The following PCDH15 variants were observed in gnomAD, a reference collection of about 807,000 sequenced individuals.
The protein encoded by PCDH15 is protocadherin related 15, also known as protocadherin-15.
A neutral mutation model predicts 178.5 loss-of-function variants in PCDH15; 129 were observed. The ratio of observed to expected loss-of-function variants is 0.72; its 90% CI spans 0.63 to 0.84. The LOEUF (loss-of-function observed/expected upper bound fraction) is 0.84, where lower values mean the gene tolerates loss of function less well. PCDH15 is among the 40% of genes least tolerant of loss of function. The pLI is 0.00. For synonymous variants in PCDH15, 800 were observed against 732.0 expected (o/e 1.09, Z -1.50); for missense variants, 2,230 against 2,099.9 (o/e 1.06, Z -1.21).
intron 2 of PCDH15, among the ~76,000 whole-genome samples, chr10:55,079,840 C>A (rs903665098): frequency 1.3e-5 from 2 of 152,088 alleles, no homozygotes; most frequent in Non-Finnish European, 2.9e-5. Context: ...GGTGCAATAG[C>A]TGGAGTGATT....
At chr10:55,507,068 T>C (rs1840774568) in intron 2 of PCDH15, among the ~76,000 whole-genome samples, 1 of 151,518 alleles carries the variant, frequency 6.6e-6, no homozygotes, top group African/African-American at 2.4e-5. Context: ...ACAGCATCTA[T>C]AAATTTTAAA....
At chr10:54,896,151 C>T (rs896471800) in intron 3 of PCDH15, among the ~76,000 whole-genome samples, 2 of 152,122 alleles carry the variant, frequency 1.3e-5, no homozygotes, top group Admixed American at 1.3e-4. Context: ...TCCCAAAGTG[C>T]TGGGATTGCA....
chr10:54,983,854 C>T (rs1839300841), intron 2 of PCDH15, among the ~76,000 whole-genome samples: 1 of 152,086 alleles, frequency 6.6e-6, no homozygotes, highest in African/African-American at 2.4e-5. Context: ...GTCTCTTCCA[C>T]TCTGTACCTC....
intron 2 of PCDH15, among the ~76,000 whole-genome samples, chr10:55,405,440 C>A (rs1838177134): frequency 6.6e-6 from 1 of 151,076 alleles, no homozygotes; most frequent in South Asian, 2.1e-4. Context: ...ATCTTTTCAG[C>A]CTTTGCCTTT....
intron 3 of PCDH15, among the ~76,000 whole-genome samples, chr10:54,423,948 G>T (rs1955887198): frequency 6.6e-6 from 1 of 151,790 alleles, no homozygotes; most frequent in Admixed American, 6.6e-5. Flanking sequence ...CAGGACATAG[G>T]CATGGGCAAG....
chr10:54,375,382 G>A lies in PCDH15; in HGVS notation c.318+3400C>T, dbSNP rs886841447. Among the ~76,000 whole-genome samples, 8 of 152,080 alleles carry A rather than the reference G, an allele frequency of 5.3e-5. No individual in the cohort carries two copies. The East Asian group carries it at 1.6e-3, about 29-fold the overall frequency. ...AAATAGAGAATATGCACAGAGAAAG[G>A]CAGAAACTAGAGACCATATGGTCCA... is the stretch of plus-strand genomic sequence containing the variant. On this transcript the variant is annotated intron_variant, in intron 4 of 37. Coordinates refer to ENST00000644397, the MANE Select transcript of PCDH15 (RefSeq NM_001384140.1).
intron 8 of PCDH15, among the ~76,000 whole-genome samples, chr10:54,296,867 G>T (rs777225222): frequency 3.3e-5 from 5 of 152,050 alleles, no homozygotes; most frequent in East Asian, 1.9e-4. Flanking sequence ...TCATTTTTGG[G>T]GCATAACATC....
rs1191299791 is a variant in PCDH15, at chr10:54,796,270, C to CTATCTATG, written c.-29+4654_-29+4655insCATAGATA. Among the ~76,000 whole-genome samples the CTATCTATG allele has an allele frequency of 8.7e-5, 7 of 80,312 alleles. No homozygotes were observed. The East Asian group carries it at 2.3e-3, about 27-fold the overall frequency. 52.7% of individuals were successfully genotyped at this position (80,312 alleles called of 152,430 possible). ...TCTATCTATCTATCTATCTATCTAT[C>CTATCTATG]TATGTATCTATGTATCTATCTATCT... On this transcript the variant is annotated intron_variant, in intron 1 of 37. Coordinates refer to ENST00000644397, the MANE Select transcript of PCDH15 (RefSeq NM_001384140.1).
At chr10:53,821,986 C>G (rs1399721395) in intron 32 of PCDH15, 1 of 1,613,908 alleles carries the variant, frequency 6.2e-7, no homozygotes, top group South Asian at 1.1e-5. Context: ...GTTTGAAGTT[C>G]TGAAACATTT....
chr10:54,755,411 C>T (rs1218793481), intron 1 of PCDH15, among the ~76,000 whole-genome samples: 1 of 152,146 alleles, frequency 6.6e-6, no homozygotes, highest in East Asian at 1.9e-4. Context: ...AACTAAAATA[C>T]TGCAAACATT....
At chr10:54,375,125 C>T (rs539959521) in intron 4 of PCDH15, among the ~76,000 whole-genome samples, 25 of 152,220 alleles carry the variant, frequency 1.6e-4, no homozygotes, top group Non-Finnish European at 3.2e-4. Flanking sequence ...TGGCCCTACT[C>T]CTTGCTCCCT....
At chr10:54,589,871 C>T (rs1200720362) in intron 2 of PCDH15, among the ~76,000 whole-genome samples, 2 of 152,110 alleles carry the variant, frequency 1.3e-5, no homozygotes, top group Admixed American at 6.6e-5. Context: ...GCTGGGATTA[C>T]AGGCATGAGC....
At chr10:54,558,583 A>G (rs898340448) in intron 2 of PCDH15, among the ~76,000 whole-genome samples, 2 of 152,052 alleles carry the variant, frequency 1.3e-5, no homozygotes, top group South Asian at 2.1e-4. Flanking sequence ...TTGCTATATC[A>G]TTGTCAAGGT....
chr10:55,237,256 G>A (rs908637274), intron 1 of PCDH15, among the ~76,000 whole-genome samples: 6 of 152,112 alleles, frequency 3.9e-5, no homozygotes, highest in South Asian at 2.1e-4. Flanking sequence ...CTGACCGCTG[G>A]GATTTCTGTG....
chr10:53,855,790 G>A (rs900994478), intron 28 of PCDH15, among the ~76,000 whole-genome samples: 2 of 151,092 alleles, frequency 1.3e-5, no homozygotes, highest in Admixed American at 6.6e-5. Context: ...TTAAAACCTA[G>A]ACAACGGGTT....
intron 21 of PCDH15, among the ~76,000 whole-genome samples, chr10:53,968,013 C>G (rs1043430593): frequency 3.3e-5 from 5 of 152,056 alleles, no homozygotes; most frequent in African/African-American, 1.2e-4. Flanking sequence ...CTCACTGGGG[C>G]TTGTTGGACA....
At position 54,733,291 on chromosome 10, in the gene PCDH15, A is replaced by G. The variant is rs143195859; in HGVS notation, c.-29+67634T>C. Among the ~76,000 whole-genome samples, 681 of 151,810 alleles carry G rather than the reference A, an allele frequency of 4.5e-3. 8 individuals are homozygous for G. Among genetic ancestry groups the G allele is most frequent in the African/African-American group, 0.015 (637 of 41,540 alleles). ...GAATAGCAAAAGAATTTAGTAAGTC[A>G]CAGGATACAAAAATCAACTGCATCT... On this transcript the variant is annotated intron_variant, in intron 1 of 37. Coordinates refer to ENST00000644397, the MANE Select transcript of PCDH15 (RefSeq NM_001384140.1).
At chr10:55,137,444 G>A (rs1341301521) in intron 2 of PCDH15, among the ~76,000 whole-genome samples, 4 of 151,960 alleles carry the variant, frequency 2.6e-5, no homozygotes, top group African/African-American at 9.7e-5. Flanking sequence ...GTTTGTGCAA[G>A]TACACTCCAT....
intron 2 of PCDH15, among the ~76,000 whole-genome samples, chr10:55,361,425 G>A (rs944132940): frequency 6.6e-6 from 1 of 151,960 alleles, no homozygotes; most frequent in African/African-American, 2.4e-5. Flanking sequence ...TAACGAACTT[G>A]TAATCTATAA....
Sources: allele counts gnomAD v4.1 joint callset (sites outside exome capture counted in the v4.1 genomes callset), GRCh38; gene constraint gnomAD v4.1.1; transcripts MANE v1.5; gene names NCBI Gene and HGNC (gene_info 2026-07-23, HGNC 2026-07-21).